TSPAN12: variants seen among roughly 807,000 people sequenced by gnomAD.
The protein encoded by TSPAN12 is tetraspanin-12.
Under a neutral mutation model 39.2 loss-of-function variants are expected in TSPAN12, and 19 were observed. The observed-to-expected ratio is 0.49, with a 90% CI of 0.34 to 0.71. The LOEUF is 0.71. Ranked by LOEUF, TSPAN12 falls within the 30% of genes least tolerant of loss-of-function variation. The probability of loss-of-function intolerance (pLI) is 0.01; values close to 1 mark genes in which losing one functional copy is unlikely to be tolerated. For missense variants in TSPAN12, 314 were observed against 359.9 expected (o/e 0.87, Z 1.03); for synonymous variants, 119 against 124.8 (o/e 0.95, Z 0.31).
chr7:120,847,334 C>T (rs1000899810), intron 2 of TSPAN12, among the ~76,000 whole-genome samples: 2 of 151,924 alleles, frequency 1.3e-5, no homozygotes, highest in Non-Finnish European at 2.9e-5. Context: ...TAATCTTTCT[C>T]AGTCAGTCTG....
chr7:120,800,503 T>C (rs1213498231), intron 7 of TSPAN12, among the ~76,000 whole-genome samples: 1 of 152,116 alleles, frequency 6.6e-6, no homozygotes, highest in Non-Finnish European at 1.5e-5. Flanking sequence ...CTGATCACCC[T>C]GGCCTGCCTT....
intron 2 of TSPAN12, among the ~76,000 whole-genome samples, chr7:120,849,339 AG>A (rs1156747012): frequency 6.6e-6 from 1 of 152,240 alleles, no homozygotes; most frequent in African/African-American, 2.4e-5. Flanking sequence ...TATAAAAACA[AG>A]TCTTGAATCA....
intron 2 of TSPAN12, among the ~76,000 whole-genome samples, chr7:120,852,647 A>G (rs1794791115): frequency 6.6e-6 from 1 of 152,216 alleles, no homozygotes; most frequent in Non-Finnish European, 1.5e-5. Context: ...ACTGTTCTAG[A>G]GAACTTGGAA....
chr7:120,852,846 T>C (rs1257968540), intron 2 of TSPAN12, among the ~76,000 whole-genome samples: 2 of 152,048 alleles, frequency 1.3e-5, no homozygotes, highest in Non-Finnish European at 2.9e-5. Context: ...AGTTTCTTTA[T>C]CTAAAAAAAA....
chr7:120,828,823 TA>T (rs1794337794), intron 4 of TSPAN12, among the ~76,000 whole-genome samples: 1 of 152,100 alleles, frequency 6.6e-6, no homozygotes, highest in African/African-American at 2.4e-5. Context: ...TGTGAAACTG[TA>T]AAATATTTTA....
chr7:120,829,828 A>G (rs2116434182), intron 4 of TSPAN12, among the ~76,000 whole-genome samples: 1 of 152,302 alleles, frequency 6.6e-6, no homozygotes, highest in South Asian at 2.1e-4. Flanking sequence ...ATCTAAAAAC[A>G]ATCTATAATA....
At chr7:120,847,233 C>CAAAAAAAA (rs76785160) in intron 2 of TSPAN12, among the ~76,000 whole-genome samples, 4 of 107,586 alleles carry the variant, frequency 3.7e-5, no homozygotes, top group Non-Finnish European at 1.9e-5. Flanking sequence ...AGCTATATGA[C>CAAAAAAAA]AAAAAAAAAA....
At chr7:120,831,151 T>C (rs1259786472) in intron 4 of TSPAN12, among the ~76,000 whole-genome samples, 1 of 151,906 alleles carries the variant, frequency 6.6e-6, no homozygotes, top group Non-Finnish European at 1.5e-5. Flanking sequence ...AGATAACAAA[T>C]GTTGGCAAGG....
intron 1 of TSPAN12, among the ~76,000 whole-genome samples, chr7:120,857,592 G>A (rs1467592246): frequency 2.0e-5 from 3 of 152,184 alleles, no homozygotes; most frequent in African/African-American, 7.2e-5. Context: ...CCCCGCCCGG[G>A]ACGCTCCCGC....
chr7:120,834,824 G>C (rs1295434862), intron 4 of TSPAN12, among the ~76,000 whole-genome samples: 1 of 152,038 alleles, frequency 6.6e-6, no homozygotes, highest in Non-Finnish European at 1.5e-5. Context: ...AAGGTTAAAG[G>C]GCACACAAAA....
intron 2 of TSPAN12, among the ~76,000 whole-genome samples, chr7:120,850,296 C>G (rs1343634987): frequency 6.6e-6 from 1 of 152,210 alleles, no homozygotes; most frequent in Admixed American, 6.5e-5. Context: ...AAGAGACCCA[C>G]TATAAGCCTC....
At chr7:120,849,952 C>T (rs1470504687) in intron 2 of TSPAN12, among the ~76,000 whole-genome samples, 2 of 152,162 alleles carry the variant, frequency 1.3e-5, no homozygotes, top group Admixed American at 1.3e-4. Context: ...GCTGGTCACA[C>T]GAGGTGAGTC....
chr7:120,835,318 T>C (rs1794456567), intron 4 of TSPAN12, among the ~76,000 whole-genome samples: 1 of 152,208 alleles, frequency 6.6e-6, no homozygotes, highest in Admixed American at 6.5e-5. Flanking sequence ...GAATGACTTG[T>C]GGCATATTAC....
intron 7 of TSPAN12, among the ~76,000 whole-genome samples, chr7:120,794,676 G>A (rs918740542): frequency 6.6e-6 from 1 of 152,162 alleles, no homozygotes; most frequent in East Asian, 1.9e-4. Flanking sequence ...TGGAAGAATT[G>A]CCTAACACAG....
chr7:120,853,493 TAC>T (rs1554405087), intron 2 of TSPAN12, among the ~76,000 whole-genome samples: 2 of 145,918 alleles, frequency 1.4e-5, no homozygotes, highest in East Asian at 3.9e-4. Context: ...TATATATATA[TAC>T]ACACACATAT....
chr7:120,800,876 A>G (rs1414957002), intron 7 of TSPAN12, among the ~76,000 whole-genome samples: 2 of 145,602 alleles, frequency 1.4e-5, no homozygotes, highest in African/African-American at 5.2e-5. Flanking sequence ...ATTCTCCTTC[A>G]CCTCCCAGGT....
At chr7:120,828,216 C>G (rs959595935) in intron 4 of TSPAN12, among the ~76,000 whole-genome samples, 1 of 152,098 alleles carries the variant, frequency 6.6e-6, no homozygotes, top group African/African-American at 2.4e-5. Context: ...AGTAACAAGA[C>G]CAGGTATCCA....
intron 4 of TSPAN12, among the ~76,000 whole-genome samples, chr7:120,821,456 A>G (rs887294255): frequency 4.6e-5 from 7 of 151,640 alleles, no homozygotes; most frequent in Non-Finnish European, 8.8e-5. Context: ...GTAAAAATGG[A>G]AGAACATAGG....
chr7:120,821,440 A>AG (rs1794186176), intron 4 of TSPAN12, among the ~76,000 whole-genome samples: 1 of 151,976 alleles, frequency 6.6e-6, no homozygotes, highest in Non-Finnish European at 1.5e-5. Flanking sequence ...AAAAAAAAAA[A>AG]AAGCTGTAAA....
Sources: allele counts gnomAD v4.1 joint callset (sites outside exome capture counted in the v4.1 genomes callset), GRCh38; gene constraint gnomAD v4.1.1; transcripts MANE v1.5; gene names NCBI Gene and HGNC (gene_info 2026-07-23, HGNC 2026-07-21).